GRID1: variants seen among roughly 807,000 people sequenced by gnomAD.
GRID1 encodes the protein glutamate receptor ionotropic, delta-1.
Under a neutral mutation model 98.0 loss-of-function variants are expected in GRID1, and 28 were observed. The ratio of observed to expected loss-of-function variants is 0.29; its 90% CI spans 0.21 to 0.39. The LOEUF is 0.39. Among genes scored for constraint, GRID1 ranks in the 10% least tolerant of loss-of-function variants. The pLI is 1.00. For missense variants in GRID1, 1,111 were observed against 1,340.5 expected, an observed-to-expected ratio of 0.83 and a Z score of 2.67; for synonymous variants, 553 against 538.5, an observed-to-expected ratio of 1.03 and a Z score of -0.37.
chr10:85,733,448 A>C (rs750667512), intron 8 of GRID1, among the ~76,000 whole-genome samples: 1 of 152,352 alleles, frequency 6.6e-6, no homozygotes. Flanking sequence ...GTGTGAACTT[A>C]GCAGATGTTC....
At chr10:85,985,992 C>T (rs1842604015) in intron 4 of GRID1, among the ~76,000 whole-genome samples, 1 of 152,240 alleles carries the variant, frequency 6.6e-6, no homozygotes, top group Non-Finnish European at 1.5e-5. Context: ...ACCCACCCCA[C>T]AGGGATGTGG....
intron 4 of GRID1, among the ~76,000 whole-genome samples, chr10:86,034,967 TGG>T (rs1843238817): frequency 6.6e-6 from 1 of 151,806 alleles, no homozygotes; most frequent in African/African-American, 2.4e-5. Context: ...GATGGTTGGA[TGG>T]ATGGATGGTG....
At chr10:85,688,231 G>A (rs1841290834) in intron 12 of GRID1, among the ~76,000 whole-genome samples, 3 of 152,246 alleles carry the variant, frequency 2.0e-5, no homozygotes, top group Admixed American at 1.3e-4. Context: ...AGGCAAGGCT[G>A]TCACATCATT....
intron 5 of GRID1, among the ~76,000 whole-genome samples, chr10:85,899,220 C>T (rs909742894): frequency 2.0e-5 from 3 of 152,244 alleles, no homozygotes; most frequent in East Asian, 1.9e-4. Flanking sequence ...CCTCCAGGCT[C>T]ATCCATGTTG....
chr10:85,689,071 A>G (rs1370010073), intron 12 of GRID1, among the ~76,000 whole-genome samples: 2 of 152,178 alleles, frequency 1.3e-5, no homozygotes, highest in African/African-American at 4.8e-5. Flanking sequence ...TCAACATATT[A>G]ACCATCCCAG....
chr10:86,315,659 C>G (rs557493618), intron 2 of GRID1, among the ~76,000 whole-genome samples: 1 of 152,136 alleles, frequency 6.6e-6, no homozygotes, highest in Non-Finnish European at 1.5e-5. Flanking sequence ...TCACCCTCCC[C>G]TTCATCCATC....
chr10:85,893,394 A>G (rs1354401718), intron 5 of GRID1, among the ~76,000 whole-genome samples: 1 of 152,196 alleles, frequency 6.6e-6, no homozygotes, highest in Non-Finnish European at 1.5e-5. Flanking sequence ...CACCAGGGCT[A>G]GAAAAATAAG....
intron 12 of GRID1, among the ~76,000 whole-genome samples, chr10:85,715,987 A>G (rs1291926910): frequency 2.6e-5 from 4 of 151,674 alleles, no homozygotes; most frequent in African/African-American, 9.7e-5. Flanking sequence ...GCTCACTGCA[A>G]CCTCCACCTC....
intron 2 of GRID1, among the ~76,000 whole-genome samples, chr10:86,317,288 T>G (rs1471829718): frequency 2.0e-5 from 3 of 152,082 alleles, no homozygotes; most frequent in Non-Finnish European, 4.4e-5. Context: ...CCTCCAGGCC[T>G]GGCTGGCTCA....
chr10:85,818,034 T>C (rs1332499650), intron 8 of GRID1, among the ~76,000 whole-genome samples: 1 of 152,244 alleles, frequency 6.6e-6, no homozygotes, highest in Non-Finnish European at 1.5e-5. Context: ...AAGAATTGTA[T>C]TTAAATGCTG....
At chr10:85,851,526 C>T (rs951714143) in intron 8 of GRID1, among the ~76,000 whole-genome samples, 1 of 152,152 alleles carries the variant, frequency 6.6e-6, no homozygotes, top group African/African-American at 2.4e-5. Context: ...CTCTTGATGC[C>T]ACTTAATCTA....
chr10:86,107,995 C>T (rs1352865442), intron 4 of GRID1, among the ~76,000 whole-genome samples: 3 of 152,216 alleles, frequency 2.0e-5, no homozygotes, highest in Non-Finnish European at 4.4e-5. Flanking sequence ...ACCCGGGATA[C>T]AGAGAGCCCT....
chr10:85,868,091 T>G (rs1324802551), intron 6 of GRID1, among the ~76,000 whole-genome samples: 1 of 152,178 alleles, frequency 6.6e-6, no homozygotes, highest in Non-Finnish European at 1.5e-5. Flanking sequence ...CAACCCCAAT[T>G]TCTAACCCTC....
chr10:85,753,951 C>T (rs981364664), intron 8 of GRID1, among the ~76,000 whole-genome samples: 3 of 152,200 alleles, frequency 2.0e-5, no homozygotes, highest in African/African-American at 7.2e-5. Context: ...CATGGCAAAG[C>T]CATTCCCCTA....
chr10:86,129,850 G>T (rs1350566513), intron 4 of GRID1, among the ~76,000 whole-genome samples: 1 of 152,222 alleles, frequency 6.6e-6, no homozygotes. Flanking sequence ...ATCTAGAGGA[G>T]GAGTCTCTTT....
chr10:86,239,786 C>T (rs1397097785), intron 2 of GRID1, among the ~76,000 whole-genome samples: 1 of 152,190 alleles, frequency 6.6e-6, no homozygotes, highest in African/African-American at 2.4e-5. Context: ...CTAACCATGC[C>T]TCATATACAG....
chr10:86,146,177 A>G (rs1293081063), intron 3 of GRID1, among the ~76,000 whole-genome samples: 1 of 152,206 alleles, frequency 6.6e-6, no homozygotes, highest in Non-Finnish European at 1.5e-5. Context: ...ATGTACATAT[A>G]TATACATGAA....
At chr10:85,674,257 T>C (rs1051545667) in intron 12 of GRID1, among the ~76,000 whole-genome samples, 2 of 152,146 alleles carry the variant, frequency 1.3e-5, no homozygotes. Context: ...CCCCCTGTGT[T>C]CGCCTAGGGA....
At chr10:86,264,796 C>T (rs10887569) in intron 2 of GRID1, 282,188 of 482,550 alleles carry the variant, frequency 0.58, 89,170 homozygotes, top group Non-Finnish European at 0.68. Context: ...ACCTCCCACA[C>T]GCTCGTCTGT....
Sources: gnomAD v4.1 joint callset for allele counts (sites outside exome capture counted in the v4.1 genomes callset) on GRCh38, gnomAD v4.1.1 for gene constraint, MANE v1.5 for transcripts, NCBI Gene and HGNC (gene_info 2026-07-23, HGNC 2026-07-21) for gene names.